The following DNAJC11 variants were observed in gnomAD, a reference collection of about 807,000 sequenced individuals.
DNAJC11 encodes the protein DnaJ heat shock protein family (Hsp40) member C11.
DNAJC11 carries 15 observed loss-of-function variants against 78.6 expected under a neutral mutation model. The observed-to-expected ratio is 0.19, with a 90% confidence interval of 0.13 to 0.29. DNAJC11 has a LOEUF of 0.29. Among genes scored for constraint, DNAJC11 ranks in the 10% least tolerant of loss-of-function variants. The probability of loss-of-function intolerance (pLI) is 1.00; values close to 1 mark genes in which losing one functional copy is unlikely to be tolerated. For synonymous variants in DNAJC11, 292 were observed against 272.1 expected (o/e 1.07, Z -0.72); for missense variants, 547 against 709.6 (o/e 0.77, Z 2.60).
At chr1:6,646,377 C>G (rs181331157) in intron 7 of DNAJC11, among the ~76,000 whole-genome samples, 3 of 152,334 alleles carry the variant, frequency 2.0e-5, no homozygotes, top group African/African-American at 4.8e-5. Flanking sequence ...CTGGAATCAC[C>G]TGGCTCATCC....
At chr1:6,650,197 AG>A (rs1375425199) in intron 7 of DNAJC11, among the ~76,000 whole-genome samples, 2 of 151,978 alleles carry the variant, frequency 1.3e-5, no homozygotes, top group Non-Finnish European at 2.9e-5. Flanking sequence ...TGGGAGGTTG[AG>A]GGTGCAGTGA....
intron 15 of DNAJC11, 59 bp from the exon 16 acceptor site, chr1:6,635,759 T>C: frequency 1.3e-6 from 2 of 1,596,108 alleles, no homozygotes; most frequent in Non-Finnish European, 1.7e-6. Context: ...TGCACCTTTC[T>C]ACTGATGGGG....
chr1:6,646,105 T>TA (rs879208791), intron 7 of DNAJC11, 127 bp from the exon 8 acceptor site: 15,083 of 710,068 alleles, frequency 0.021, no homozygotes, highest in Non-Finnish European at 0.023. Context: ...CAGCTCCCAG[T>TA]AAAAAAAAAA....
intron 1 of DNAJC11, among the ~76,000 whole-genome samples, chr1:6,701,410 AC>A (rs1642925744): frequency 6.6e-6 from 1 of 152,108 alleles, no homozygotes; most frequent in South Asian, 2.1e-4. Context: ...AGGACTGCTA[AC>A]CCCACTACGG....
chr1:6,658,779 T>C (rs1478516402), intron 4 of DNAJC11, among the ~76,000 whole-genome samples: 1 of 152,244 alleles, frequency 6.6e-6, no homozygotes, highest in Non-Finnish European at 1.5e-5. Context: ...AAACCTCAGC[T>C]GCTTCTCCCT....
intron 1 of DNAJC11, among the ~76,000 whole-genome samples, chr1:6,685,368 T>C (rs543595814): frequency 5.9e-5 from 9 of 152,176 alleles, no homozygotes; most frequent in Non-Finnish European, 1.3e-4. Context: ...CTTTCTTCAG[T>C]GTACAGTGGA....
intron 10 of DNAJC11, among the ~76,000 whole-genome samples, chr1:6,641,933 G>A (rs1641884418): frequency 6.6e-6 from 1 of 152,156 alleles, no homozygotes; most frequent in Admixed American, 6.6e-5. Context: ...GATTGAACAT[G>A]GCAAACATGG....
chr1:6,649,908 G>A (rs1165407498), intron 7 of DNAJC11, among the ~76,000 whole-genome samples: 1 of 151,982 alleles, frequency 6.6e-6, no homozygotes, highest in African/African-American at 2.4e-5. Context: ...GTTTCGCCAT[G>A]TTGGCCAGGC....
chr1:6,692,822 G>A (rs1020865077), intron 1 of DNAJC11, among the ~76,000 whole-genome samples: 1 of 152,016 alleles, frequency 6.6e-6, no homozygotes, highest in African/African-American at 2.4e-5. Context: ...TGTTGGTCAC[G>A]CTGGTCTCAA....
In DNAJC11 at chr1:6,653,821, C is replaced by A; in HGVS notation, c.507+90G>T. The A allele has an allele frequency of 6.6e-7, 1 of 1,506,184 alleles. No individual in the cohort carries two copies. The highest frequency in any genetic ancestry group is 9.1e-7 in the Non-Finnish European group (1 of 1,103,578). The allele number at this position is 1,506,184 out of a possible 1,614,324, so 93.3% of individuals were successfully genotyped here. A position where few individuals can be genotyped will look rare whatever the true frequency, so the allele number is the denominator to read the frequency against. On this transcript the variant is annotated intron_variant, in intron 5 of 15. Coordinates refer to ENST00000377577, the MANE Select transcript of DNAJC11 (RefSeq NM_018198.4). This position sits in a 1 kb window ranked among gnomAD's most constrained non-coding sequence, Gnocchi z 4.5. ...TTCATAAATAAAGATGAGAAAAACC[C>A]TGGGCAGACTCTCATTCCAGCTGCT...
chr1:6,637,513 G>T lies in DNAJC11; in HGVS notation c.1324-9C>A. The T allele has an allele frequency of 1.2e-6, 2 of 1,614,178 alleles. No homozygotes were observed. Among genetic ancestry groups the T allele is most frequent in the Non-Finnish European group, 1.7e-6 (2 of 1,180,040 alleles). ...TCCTGCATCAGCCGGACCTGCCAGA[G>T]AACAAGGATGACACAGTCAGGGCCC... is the stretch of plus-strand genomic sequence containing the variant. On this transcript the variant is annotated splice_polypyrimidine_tract_variant and intron_variant, in intron 12 of 15. Transcript: ENST00000377577.
intron 4 of DNAJC11, among the ~76,000 whole-genome samples, chr1:6,667,341 C>G (rs1230004224): frequency 6.6e-6 from 1 of 152,186 alleles, no homozygotes; most frequent in Non-Finnish European, 1.5e-5. Flanking sequence ...TCTGCCCTGC[C>G]TGCCTCTGTC....
chr1:6,695,931 C>T (rs1642829236), intron 1 of DNAJC11, among the ~76,000 whole-genome samples: 1 of 152,204 alleles, frequency 6.6e-6, no homozygotes, highest in African/African-American at 2.4e-5. Context: ...ACATAGTGGC[C>T]TCCCTCTATC....
intron 4 of DNAJC11, among the ~76,000 whole-genome samples, chr1:6,654,781 C>CTT (rs3062933): frequency 2.8e-5 from 4 of 141,848 alleles, no homozygotes; most frequent in African/African-American, 2.6e-5. Flanking sequence ...GCTAGCTTTT[C>CTT]TTTTTTTTTT....
At chr1:6,656,252 C>T (rs1229136224) in intron 4 of DNAJC11, among the ~76,000 whole-genome samples, 5 of 151,474 alleles carry the variant, frequency 3.3e-5, no homozygotes, top group South Asian at 4.2e-4. Context: ...AATTCCATAA[C>T]GGCATTTTGG....
intron 7 of DNAJC11, among the ~76,000 whole-genome samples, chr1:6,646,479 T>C (rs1226168912): frequency 6.6e-6 from 1 of 152,082 alleles, no homozygotes; most frequent in Admixed American, 6.6e-5. Flanking sequence ...CAATGTGCAG[T>C]AGAGTTTGAG....
At chr1:6,693,834 A>ATTTTTT (rs34877805) in intron 1 of DNAJC11, among the ~76,000 whole-genome samples, 1 of 101,210 alleles carries the variant, frequency 9.9e-6, no homozygotes. Flanking sequence ...AAGTACCCCC[A>ATTTTTT]TTTTTTTTTT....
At chr1:6,641,388 A>T (rs12089418) in intron 10 of DNAJC11, among the ~76,000 whole-genome samples, 1,235 of 114,264 alleles carry the variant, frequency 0.011, 15 homozygotes, top group East Asian at 0.029. Flanking sequence ...AAAAAAAAAA[A>T]AAATATATAT....
At chr1:6,665,801 A>G (rs573426042) in intron 4 of DNAJC11, among the ~76,000 whole-genome samples, 124 of 152,296 alleles carry the variant, frequency 8.1e-4, no homozygotes, top group African/African-American at 2.9e-3. Context: ...GCAAACCTCC[A>G]GCCAGAACAT....
Sources: allele counts gnomAD v4.1 joint callset (sites outside exome capture counted in the v4.1 genomes callset), GRCh38; gene constraint gnomAD v4.1.1; non-coding constraint Gnocchi (gnomAD v3.1); transcripts MANE v1.5; gene names NCBI Gene and HGNC (gene_info 2026-07-23, HGNC 2026-07-21).